The following TUT4 variants were observed in gnomAD, a reference collection of about 807,000 sequenced individuals.
TUT4 encodes terminal uridylyl transferase 4.
TUT4 carries 36 observed loss-of-function variants against 192.2 expected under a neutral mutation model. The observed-to-expected ratio is 0.19, with a 90% CI of 0.14 to 0.25. The LOEUF is 0.25. TUT4 is among the 10% of genes least tolerant of loss of function. TUT4 has a pLI of 1.00. For synonymous variants in TUT4, 618 were observed against 666.0 expected (o/e 0.93, Z 1.11); for missense variants, 1,493 against 1,957.2 (o/e 0.76, Z 4.47).
intron 19 of TUT4, among the ~76,000 whole-genome samples, chr1:52,459,452 G>T (rs894059965): frequency 6.6e-6 from 1 of 152,108 alleles, no homozygotes; most frequent in Non-Finnish European, 1.5e-5. Context: ...AGTTGGGCAT[G>T]GTGGCACACG....
chr1:52,430,702 AAAT>A (rs1651789220), intron 28 of TUT4, among the ~76,000 whole-genome samples: 1 of 152,218 alleles, frequency 6.6e-6, no homozygotes, highest in Non-Finnish European at 1.5e-5. Flanking sequence ...TAAAATACTA[AAAT>A]AATAGCTAAC....
At chr1:52,491,922 T>C (rs1671261514) in intron 7 of TUT4, among the ~76,000 whole-genome samples, 1 of 152,184 alleles carries the variant, frequency 6.6e-6, no homozygotes, top group African/African-American at 2.4e-5. Context: ...ATAAATCCTG[T>C]AGGTGACCTG....
chr1:52,543,773 T>TG (rs1225241076), intron 1 of TUT4, among the ~76,000 whole-genome samples: 17 of 151,570 alleles, frequency 1.1e-4, no homozygotes, highest in Non-Finnish European at 2.5e-4. Context: ...CATGAGCCAC[T>TG]GTGCCTGGCC....
At position 52,463,269 on chromosome 1, in the gene TUT4, T is replaced by C. The variant is rs868379071; in HGVS notation, c.3070-1500A>G. 4.2e-5 allele frequency: 42 copies of C among 988,306 alleles called. No homozygotes were observed. The Middle Eastern group carries it at 3.1e-3, about 74-fold the overall frequency. 61.2% of individuals were successfully genotyped at this position (988,306 alleles called of 1,614,324 possible). On this transcript the variant is annotated intron_variant, in intron 16 of 29. Coordinates refer to ENST00000257177, the MANE Select transcript of TUT4 (RefSeq NM_001009881.3). Reference sequence around the variant, plus strand: ...CCTGGGTATAAAAATCATTTCCTATTCCCTCAATTCTTACTCTTCAGAATG... The same window carrying C: ...CCTGGGTATAAAAATCATTTCCTATCCCCTCAATTCTTACTCTTCAGAATG...
chr1:52,534,307 G>T (rs1407233849), intron 1 of TUT4, among the ~76,000 whole-genome samples: 1 of 152,154 alleles, frequency 6.6e-6, no homozygotes, highest in East Asian at 1.9e-4. Context: ...CAGTAAACCA[G>T]TTGAAAGTAT....
intron 26 of TUT4, 21 bp downstream of exon 26, chr1:52,436,734 T>C (rs753265992): frequency 3.1e-6 from 5 of 1,612,186 alleles, no homozygotes; most frequent in Non-Finnish European, 4.2e-6. Flanking sequence ...CCAGAAACTA[T>C]GTTTGGCCTT....
rs750386336 is a variant in TUT4, at chr1:52,437,017, A to G, written c.3939-39T>C. The G allele has an allele frequency of 3.8e-6, 6 of 1,599,954 alleles. No individual in the cohort carries two copies. The Admixed American group carries it at 1.0e-4, about 27-fold the overall frequency. On this transcript the variant is annotated intron_variant, in intron 25 of 29. Coordinates refer to ENST00000257177, the MANE Select transcript of TUT4 (RefSeq NM_001009881.3). ...TGTGGGGCTAGGGACTTGTAAATTA[A>G]GTGAGTCACAGAACAAACTATGCAG...
intron 14 of TUT4, chr1:52,468,583 A>G: frequency 4.8e-6 from 1 of 209,780 alleles, no homozygotes; most frequent in Non-Finnish European, 9.4e-6. Flanking sequence ...ACTCTCCCCC[A>G]TATCCATGCT....
At chr1:52,544,707 T>C (rs1225321291) in intron 1 of TUT4, among the ~76,000 whole-genome samples, 4 of 152,152 alleles carry the variant, frequency 2.6e-5, no homozygotes, top group African/African-American at 9.7e-5. Flanking sequence ...ATGGACAAAC[T>C]AGACTGGCTG....
intron 3 of TUT4, chr1:52,515,110 A>C (rs1281519343): frequency 3.3e-5 from 5 of 152,134 alleles, no homozygotes; most frequent in African/African-American, 1.2e-4. Context: ...AAAACCTAGC[A>C]GTGTTTTTAT....
At chr1:52,447,522 T>C (rs1657916132) in intron 20 of TUT4, among the ~76,000 whole-genome samples, 1 of 150,530 alleles carries the variant, frequency 6.6e-6, no homozygotes, top group Admixed American at 6.6e-5. Context: ...TACATTTTGA[T>C]AAAGACTATA....
In TUT4 at chr1:52,475,143, T is replaced by C; in HGVS notation, c.2416A>G (p.Ser806Gly). Residue 806 changes from serine (S) to glycine (G), a missense_variant, in exon 13 of 30, where the codon AGT (serine) becomes GGT (glycine). By Grantham distance (56) the Ser-to-Gly change is moderately conservative. This residue lies in a region of TUT4 where 245 missense variants were observed against 218.4 expected (regional missense o/e 1.12). Coordinates refer to ENST00000257177, the MANE Select transcript of TUT4 (RefSeq NM_001009881.3). The part of the protein sequence containing the change: ...DSSSLSTSKS[S>G]EIEPKLDKKQ... ...TTATCTAATTTTGGCTCTATTTCAC[T>C]GCTTTTGCTGGTAGAAAGAGATGAA... 6.2e-7 allele frequency: 1 copy of C among 1,614,184 alleles called. No homozygotes were observed. The highest frequency in any genetic ancestry group is 8.5e-7 in the Non-Finnish European group (1 of 1,180,032).
chr1:52,444,949 G>GTGTGTATACA (rs1657009817), intron 24 of TUT4, among the ~76,000 whole-genome samples: 1 of 132,720 alleles, frequency 7.5e-6, no homozygotes, highest in African/African-American at 3.3e-5. Context: ...ATACATGTAT[G>GTGTGTATACA]TGTATATACA....
intron 1 of TUT4, among the ~76,000 whole-genome samples, chr1:52,528,429 T>C (rs1222239367): frequency 6.7e-6 from 1 of 149,836 alleles, no homozygotes; most frequent in Non-Finnish European, 1.5e-5. Flanking sequence ...AGGCAGAGGT[T>C]GCGGTGAGCC....
At position 52,453,067 on chromosome 1, in the gene TUT4, TGTTGTTG is replaced by T; in HGVS notation, c.3435+5262_3435+5268del. On this transcript the variant is annotated intron_variant, in intron 20 of 29. Coordinates refer to ENST00000257177, the MANE Select transcript of TUT4 (RefSeq NM_001009881.3). ...GGTCACAGAAGTCTTCTGTGATTATTGTTGTTGAGTAAGAGAATAGAAAAAACATTTT... is the reference window on the plus strand; with the variant it reads ...GGTCACAGAAGTCTTCTGTGATTATTAGTAAGAGAATAGAAAAAACATTTT... Among the ~76,000 whole-genome samples, 5 of 152,276 alleles carry T rather than the reference TGTTGTTG, an allele frequency of 3.3e-5. 1 individual carries two copies. The South Asian group carries it at 1.0e-3, about 32-fold the overall frequency.
chr1:52,468,332 T>C (rs894263620), intron 14 of TUT4, 65 bp from the exon 15 acceptor site: 36 of 1,274,162 alleles, frequency 2.8e-5, no homozygotes, highest in Non-Finnish European at 3.6e-5. Context: ...TGAAAACATC[T>C]TCAAGTTTTT....
At chr1:52,436,393 G>A (rs994856164) in intron 26 of TUT4, among the ~76,000 whole-genome samples, 3 of 151,334 alleles carry the variant, frequency 2.0e-5, no homozygotes, top group Non-Finnish European at 2.9e-5. Context: ...GGCTGAGGCA[G>A]GAGAATCGCT....
At chr1:52,480,875 A>T (rs1668330634) in intron 11 of TUT4, among the ~76,000 whole-genome samples, 1 of 152,198 alleles carries the variant, frequency 6.6e-6, no homozygotes, top group Non-Finnish European at 1.5e-5. Flanking sequence ...ACTACAAATA[A>T]TTCAATATAG....
At chr1:52,458,080 A>T (rs1661477984) in intron 20 of TUT4, among the ~76,000 whole-genome samples, 1 of 152,230 alleles carries the variant, frequency 6.6e-6, no homozygotes, top group South Asian at 2.1e-4. Flanking sequence ...CAGCACTCTA[A>T]GACTGTAAAA....
Sources: allele counts gnomAD v4.1 joint callset (sites outside exome capture counted in the v4.1 genomes callset), GRCh38; gene constraint gnomAD v4.1.1; regional missense constraint gnomAD v4.1.1; transcripts MANE v1.5; gene names NCBI Gene and HGNC (gene_info 2026-07-23, HGNC 2026-07-21).